EPS15L1: variants seen among roughly 807,000 people sequenced by gnomAD.
EPS15L1 encodes the protein epidermal growth factor receptor substrate 15-like 1.
EPS15L1 carries 43 observed loss-of-function variants against 117.1 expected under a neutral mutation model. That is an observed-to-expected ratio of 0.37 (90% CI 0.29 to 0.47). The LOEUF is 0.47. Among genes scored for constraint, EPS15L1 ranks in the 20% least tolerant of loss-of-function variants. EPS15L1 has a pLI of 0.99. For missense variants in EPS15L1, 981 were observed against 1,164.0 expected, an observed-to-expected ratio of 0.84 and a Z score of 2.29; for synonymous variants, 459 against 470.5, an observed-to-expected ratio of 0.98 and a Z score of 0.32.
At chr19:16,462,168 C>CTTGT (rs2093259507) in intron 1 of EPS15L1, among the ~76,000 whole-genome samples, 1 of 152,208 alleles carries the variant, frequency 6.6e-6, no homozygotes, top group East Asian at 1.9e-4. Flanking sequence ...GTTTCCTCAT[C>CTTGT]TAGAAACAAG....
intron 7 of EPS15L1, among the ~76,000 whole-genome samples, chr19:16,430,768 T>C (rs551512844): frequency 1.3e-5 from 2 of 152,302 alleles, no homozygotes; most frequent in South Asian, 2.1e-4. Context: ...CGGATGCAAG[T>C]GCGCACGGAT....
intron 16 of EPS15L1, chr19:16,401,730 G>C (rs1173202982): frequency 1.0e-6 from 1 of 985,386 alleles, no homozygotes; most frequent in East Asian, 1.1e-4. Context: ...CCCCAGGCCT[G>C]ATCACAACTC....
intron 22 of EPS15L1, among the ~76,000 whole-genome samples, chr19:16,372,225 CT>C (rs1018506456): frequency 1.3e-5 from 2 of 152,204 alleles, no homozygotes; most frequent in African/African-American, 4.8e-5. Flanking sequence ...GGAACTCTCC[CT>C]CGAGGAACCT....
rs1416683861 is a variant in EPS15L1, at chr19:16,403,676, G to A, written c.1626+57C>T. On this transcript the variant is annotated intron_variant, in intron 15 of 23. Transcript: ENST00000455140. ...AAAGGAGTTCAGCAGTGGCAGCCTC[G>A]GCTCTTGGGGCTCGCTGGTCCCTGG... The A allele has an allele frequency of 2.0e-5, 31 of 1,513,418 alleles. No homozygotes were observed. In the South Asian group the frequency reaches 2.5e-4, roughly 12 times the overall value. 93.7% of individuals were successfully genotyped at this position (1,513,418 alleles called of 1,614,324 possible).
chr19:16,386,090 G>T, intron 20 of EPS15L1, 81 bp downstream of exon 20: 1 of 1,077,014 alleles, frequency 9.3e-7, no homozygotes, highest in Non-Finnish European at 1.4e-6. Flanking sequence ...CGCTGGCTTT[G>T]GGAGTGAAAG....
chr19:16,464,879 G>A (rs1231204517), intron 1 of EPS15L1, among the ~76,000 whole-genome samples: 1 of 151,314 alleles, frequency 6.6e-6, no homozygotes, highest in Non-Finnish European at 1.5e-5. Flanking sequence ...GTCAGATCGA[G>A]ACCATCCTGC....
chr19:16,380,586 C>T (rs1334579048), intron 21 of EPS15L1, among the ~76,000 whole-genome samples: 1 of 152,188 alleles, frequency 6.6e-6, no homozygotes, highest in Non-Finnish European at 1.5e-5. Flanking sequence ...TCTAGTCACA[C>T]AGACGCAGCC....
intron 13 of EPS15L1, among the ~76,000 whole-genome samples, chr19:16,409,473 C>CA (rs963437993): frequency 2.6e-5 from 4 of 151,936 alleles, no homozygotes; most frequent in Non-Finnish European, 5.9e-5. Flanking sequence ...GCAACAGCAG[C>CA]AAAAAAAGGA....
chr19:16,395,099 G>T (rs1403875212), intron 17 of EPS15L1, among the ~76,000 whole-genome samples: 3 of 151,652 alleles, frequency 2.0e-5, no homozygotes, highest in Non-Finnish European at 1.5e-5. Context: ...GGGCGCTGAG[G>T]CAGGAGAATT....
intron 22 of EPS15L1, among the ~76,000 whole-genome samples, chr19:16,376,077 C>T (rs949449533): frequency 3.9e-5 from 6 of 152,114 alleles, no homozygotes; most frequent in Non-Finnish European, 1.5e-5. Flanking sequence ...GGGTGAGCAC[C>T]ACTTCCCTCG....
intron 4 of EPS15L1, among the ~76,000 whole-genome samples, chr19:16,439,803 C>T (rs1315432519): frequency 6.6e-6 from 1 of 152,130 alleles, no homozygotes; most frequent in Non-Finnish European, 1.5e-5. Flanking sequence ...AGTCATGGCA[C>T]AGCACAAACA....
At chr19:16,459,061 T>C (rs1438845370) in intron 1 of EPS15L1, among the ~76,000 whole-genome samples, 6 of 152,260 alleles carry the variant, frequency 3.9e-5, no homozygotes, top group Non-Finnish European at 5.9e-5. Context: ...TGCAGGCAAC[T>C]GTAACACAAT....
At chr19:16,394,555 G>C (rs2092519466) in intron 17 of EPS15L1, among the ~76,000 whole-genome samples, 1 of 152,186 alleles carries the variant, frequency 6.6e-6, no homozygotes, top group African/African-American at 2.4e-5. Flanking sequence ...CTTCCTCCTG[G>C]AAATACTGTT....
chr19:16,402,053 C>G, intron 16 of EPS15L1: 4 of 1,210,516 alleles, frequency 3.3e-6, no homozygotes, highest in Non-Finnish European at 4.1e-6. Context: ...GTAAATACTT[C>G]CGCAGAGATG....
chr19:16,369,204 C>A (rs1279961262), intron 22 of EPS15L1, among the ~76,000 whole-genome samples: 1 of 152,148 alleles, frequency 6.6e-6, no homozygotes, highest in African/African-American at 2.4e-5. Flanking sequence ...GTCCTGCAGG[C>A]ACCAGCCCCG....
At position 16,403,351 on chromosome 19, in the gene EPS15L1, C is replaced by T. The variant is rs572735737; in HGVS notation, c.1626+382G>A. On this transcript the variant is annotated intron_variant, in intron 15 of 23. Transcript: ENST00000455140. ...ACACACCAGTGGCTGTGGAGGATGACGTCTGTTCTCTTGCCCAAGGACAAA... is the reference window on the plus strand; with the variant it reads ...ACACACCAGTGGCTGTGGAGGATGATGTCTGTTCTCTTGCCCAAGGACAAA... Among the ~76,000 whole-genome samples, 7 of 152,308 alleles carry T rather than the reference C, an allele frequency of 4.6e-5. No individual in the cohort carries two copies. The South Asian group carries it at 1.4e-3, about 32-fold the overall frequency.
intron 19 of EPS15L1, among the ~76,000 whole-genome samples, chr19:16,390,383 G>C (rs925575651): frequency 1.1e-4 from 17 of 152,144 alleles, no homozygotes; most frequent in Non-Finnish European, 2.2e-4. Context: ...TCAAATTAAA[G>C]TGCAGTATGA....
At chr19:16,466,442 A>G (rs948530434) in intron 1 of EPS15L1, among the ~76,000 whole-genome samples, 1 of 151,972 alleles carries the variant, frequency 6.6e-6, no homozygotes, top group African/African-American at 2.4e-5. Context: ...CACCGAATGC[A>G]CTACACATTG....
chr19:16,428,652 A>G (rs1404561429), intron 8 of EPS15L1, 50 bp downstream of exon 8: 2 of 1,442,710 alleles, frequency 1.4e-6, no homozygotes, highest in African/African-American at 1.4e-5. Context: ...ACCCCTGCGC[A>G]CTGCACATTT....
Sources: gnomAD v4.1 joint callset for allele counts (sites outside exome capture counted in the v4.1 genomes callset) on GRCh38, gnomAD v4.1.1 for gene constraint, MANE v1.5 for transcripts, NCBI Gene and HGNC (gene_info 2026-07-23, HGNC 2026-07-21) for gene names.